PTPN18: variants seen among roughly 807,000 people sequenced by gnomAD.
PTPN18 encodes the protein tyrosine-protein phosphatase non-receptor type 18.
Under a neutral mutation model 65.4 loss-of-function variants are expected in PTPN18, and 65 were observed. That is an observed-to-expected ratio of 0.99 (90% confidence interval 0.81 to 1.22). The LOEUF (loss-of-function observed/expected upper bound fraction) is 1.22. PTPN18 is among the 50% of genes most tolerant of loss of function. The probability of loss-of-function intolerance (pLI) is 0.00; values close to 1 mark genes in which losing one functional copy is unlikely to be tolerated. For missense variants in PTPN18, 616 were observed against 646.5 expected (o/e 0.95, Z 0.51); for synonymous variants, 255 against 267.8 (o/e 0.95, Z 0.47).
chr2:130,371,519 T>C (rs1031914664), intron 12 of PTPN18, among the ~76,000 whole-genome samples: 2 of 152,236 alleles, frequency 1.3e-5, no homozygotes, highest in Admixed American at 6.5e-5. Flanking sequence ...AGGCCTTTCC[T>C]GGATCCTCTA....
At chr2:130,369,045 A>G (rs926940608) in intron 5 of PTPN18, 88 bp from the exon 6 acceptor site, 1 of 1,128,762 alleles carries the variant, frequency 8.9e-7, no homozygotes, top group African/African-American at 1.6e-5. Context: ...CACCACGAGC[A>G]CCTGGGGTGT....
At position 130,359,244 on chromosome 2, in the gene PTPN18, C is replaced by T. The variant is rs750487911; in HGVS notation, c.214C>T (p.Arg72Ter). 31 of 1,614,022 alleles carry T rather than the reference C, an allele frequency of 1.9e-5. No homozygotes were observed. Among genetic ancestry groups the T allele is most frequent in the Non-Finnish European group, 2.4e-5 (28 of 1,180,018 alleles). ...TTATCTGCTGACAGATGATCAGACG[C>T]GAGTAATCCTCTCCCTGCTCCAGGA... ...YKDVLPYDQT[R>*]VILSLLQEEG... is the part of the protein sequence containing the mutation. The change falls in exon 3 of 15, where the codon CGA (arginine) becomes TGA (stop). Residue 72 changes from arginine to a stop codon, truncating the protein, a stop_gained. Coordinates refer to ENST00000175756, the MANE Select transcript of PTPN18 (RefSeq NM_014369.4). LOFTEE classifies it high-confidence loss of function.
intron 5 of PTPN18, among the ~76,000 whole-genome samples, chr2:130,364,657 G>T (rs574037426): frequency 6.6e-6 from 1 of 152,130 alleles, no homozygotes; most frequent in African/African-American, 2.4e-5. Flanking sequence ...TTAGCCAGGC[G>T]TGGTGGCAGC....
chr2:130,363,899 C>T (rs966404021), intron 5 of PTPN18, among the ~76,000 whole-genome samples: 3 of 150,694 alleles, frequency 2.0e-5, no homozygotes, highest in African/African-American at 7.3e-5. Flanking sequence ...ATTTCCACGG[C>T]AATGTTTGAG....
rs1680603621 is a variant in PTPN18 at position 130,372,496 on chromosome 2, T to G, written c.1240+13T>G. The G allele has an allele frequency of 2.2e-6, 3 of 1,387,812 alleles. No homozygotes were observed. In the East Asian group the frequency reaches 8.8e-5, roughly 41 times the overall value. The allele number at this position is 1,387,812 out of a possible 1,614,324, so 86.0% of individuals were successfully genotyped here. A position where few individuals can be genotyped will look rare whatever the true frequency, so the allele number is the denominator to read the frequency against. ...CTGCCTGGCCGCGGTGAGTCGAGGCTTGCTCCTTCTCAGGGCATCATCCTG... is the reference window on the plus strand; with the variant it reads ...CTGCCTGGCCGCGGTGAGTCGAGGCGTGCTCCTTCTCAGGGCATCATCCTG... On this transcript the variant is annotated intron_variant, in intron 13 of 14. Coordinates refer to ENST00000175756, the MANE Select transcript of PTPN18 (RefSeq NM_014369.4).
intron 5 of PTPN18, among the ~76,000 whole-genome samples, chr2:130,364,830 A>G (rs1056122927): frequency 5.9e-5 from 9 of 152,322 alleles, no homozygotes; most frequent in South Asian, 2.1e-4. Context: ...AAAAATTGGT[A>G]TACTAGTATC....
chr2:130,371,086 C>A, intron 11 of PTPN18, 113 bp from the exon 12 acceptor site: 4 of 1,369,622 alleles, frequency 2.9e-6, no homozygotes, highest in Non-Finnish European at 4.1e-6. Context: ...TCCACCTGTG[C>A]CCTCCTCCAG....
rs935436213 is a variant in PTPN18, at chr2:130,372,457, A to G, written c.1214A>G (p.Asp405Gly). 3 of 1,371,232 alleles carry G rather than the reference A, an allele frequency of 2.2e-6. No individual in the cohort carries two copies. In the African/African-American group the frequency reaches 4.6e-5, roughly 21 times the overall value. The allele number at this position is 1,371,232 out of a possible 1,614,324, so 84.9% of individuals were successfully genotyped here. ...RAQRPGAHAE[D>G]ARGTLPGRVP... The stretch of plus-strand genomic sequence containing the variant: ...CAGCGACCCGGGGCGCACGCGGAGG[A>G]CGCGAGGGGGACGCTGCCTGGCCGC... Residue 405 changes from aspartate (D) to glycine (G), a missense_variant, in exon 13 of 15, where the codon GAC becomes GGC. Coordinates refer to ENST00000175756, the MANE Select transcript of PTPN18 (RefSeq NM_014369.4).
In PTPN18 at chr2:130,370,485, C is replaced by T. The variant is rs1573865898; in HGVS notation, c.690-72C>T. The T allele has an allele frequency of 1.2e-5, 18 of 1,551,060 alleles. No individual in the cohort carries two copies. In the South Asian group the frequency reaches 2.0e-4, roughly 17 times the overall value. ...GGGGATCCATCAGGACCCTCACCCC[C>T]ATCCCCAAATGCCCCATCTAAAAGG... On this transcript the variant is annotated intron_variant, in intron 8 of 14. Coordinates refer to ENST00000175756, the MANE Select transcript of PTPN18 (RefSeq NM_014369.4).
intron 12 of PTPN18, 142 bp downstream of exon 12, chr2:130,371,429 CCCCAAGATGATTCAATTAT>C (rs890934271): frequency 3.2e-5 from 22 of 689,448 alleles, no homozygotes; most frequent in South Asian, 2.3e-4. Context: ...TGGGAACCCA[CCCCAAGATGATTCAATTAT>C]CCCAAGATGA....
At chr2:130,356,322 G>A (rs1248473458) in intron 1 of PTPN18, 122 bp downstream of exon 1, 6 of 674,922 alleles carry the variant, frequency 8.9e-6, no homozygotes, top group African/African-American at 5.8e-5. Context: ...CCCGCCTCGG[G>A]GGGTCTCTCC....
In PTPN18 at chr2:130,374,472, A is replaced by G. The variant is rs1680676609; in HGVS notation, c.*1248A>G. 2.8e-6 allele frequency: 1 copy of G among 361,536 alleles called. No individual in the cohort carries two copies. Among genetic ancestry groups the G allele is most frequent in the Non-Finnish European group, 5.6e-6 (1 of 178,466 alleles). The allele number at this position is 361,536 out of a possible 1,614,324, so 22.4% of individuals were successfully genotyped here. On this transcript the variant is annotated 3_prime_UTR_variant, in exon 15 of 15. Coordinates refer to ENST00000175756, the MANE Select transcript of PTPN18 (RefSeq NM_014369.4). ...TGTGAGCCACCAGGCTCAGCCCCCTAAGATTTGAAACACTTTAAATGGCCC... is the reference window on the plus strand; with the variant it reads ...TGTGAGCCACCAGGCTCAGCCCCCTGAGATTTGAAACACTTTAAATGGCCC...
Position 130,356,146 on chromosome 2 carries a change from G to C in PTPN18, c.39G>C (p.Glu13Asp). 1 of 1,312,502 alleles carries C rather than the reference G, an allele frequency of 7.6e-7. No individual in the cohort carries two copies. 81.3% of individuals were successfully genotyped at this position (1,312,502 alleles called of 1,614,324 possible). Reference sequence around the variant, plus strand: ...TGGACTCGGCGCGGAGCTTCCTGGAGCGGCTGGAAGCGCGGGGCGGCCGGG... The same window carrying C: ...TGGACTCGGCGCGGAGCTTCCTGGACCGGCTGGAAGCGCGGGGCGGCCGGG... The part of the protein sequence containing the change: ...RSLDSARSFL[E>D]RLEARGGREG... Residue 13 changes from glutamate to aspartate, a missense_variant, in exon 1 of 15, where the codon GAG becomes GAC. Glu to Asp is a conservative substitution (Grantham distance 45, BLOSUM62 2). This residue lies in a region of PTPN18 where 223 missense variants were observed against 210.0 expected (regional missense o/e 1.06). Transcript: ENST00000175756.
At position 130,357,306 on chromosome 2, in the gene PTPN18, A is replaced by G. The variant is rs367797188; in HGVS notation, c.93+1106A>G. On this transcript the variant is annotated intron_variant, in intron 1 of 14. Coordinates refer to ENST00000175756, the MANE Select transcript of PTPN18 (RefSeq NM_014369.4). ...TCACGCAGAATGCTAGGCACTGTACATTACAGTTGATGACGTGTTTAAAGT... is the reference window on the plus strand; with the variant it reads ...TCACGCAGAATGCTAGGCACTGTACGTTACAGTTGATGACGTGTTTAAAGT... 9.8e-5 allele frequency among the ~76,000 whole-genome samples: 15 copies of G among 152,352 alleles called. 2 individuals carry two copies. Among genetic ancestry groups the G allele is most frequent in the African/African-American group, 3.6e-4 (15 of 41,594 alleles).
rs896355859 is a variant in PTPN18 at position 130,372,469 on chromosome 2, C to T, written c.1226C>T (p.Thr409Met). Residue 409 changes from threonine to methionine, a missense_variant, in exon 13 of 15, where the codon ACG becomes ATG. Physicochemically the swap from Thr to Met is moderately conservative, Grantham distance 81 (BLOSUM62 -1). This residue lies in a region of PTPN18 where 368 missense variants were observed against 386.7 expected (regional missense o/e 0.95). Transcript: ENST00000175756. ...GCGCACGCGGAGGACGCGAGGGGGA[C>T]GCTGCCTGGCCGCGGTGAGTCGAGG... The part of the protein sequence containing the change: ...PGAHAEDARG[T>M]LPGRVPADQS... The T allele has an allele frequency of 7.3e-7, 1 of 1,372,872 alleles. No individual in the cohort carries two copies. 85.0% of individuals were successfully genotyped at this position (1,372,872 alleles called of 1,614,324 possible).
At chr2:130,370,221 T>C in intron 8 of PTPN18, 31 bp downstream of exon 8, 2 of 1,605,380 alleles carry the variant, frequency 1.2e-6, no homozygotes, top group Non-Finnish European at 1.7e-6. Flanking sequence ...GAGGGTCTGG[T>C]GAGGCAGAGG....
In PTPN18 at chr2:130,370,177, T is replaced by C. The variant is rs772480824; in HGVS notation, c.676T>C (p.Cys226Arg). ...CCAGGGATCTGGCCCTGAACCCCTC[T>C]GTGTCCACTGCAGGTTTTGGAAATG... Reference protein sequence around the residue: ...RLQGSGPEPLCVHCSAGCGRT... With the variant: ...RLQGSGPEPLRVHCSAGCGRT... Residue 226 changes from cysteine to arginine, a missense_variant, in exon 8 of 15, where the codon TGT (cysteine) becomes CGT (arginine). Cys to Arg is a radical substitution (Grantham distance 180). This residue lies in a region of PTPN18 where 368 missense variants were observed against 386.7 expected (regional missense o/e 0.95). Coordinates refer to ENST00000175756, the MANE Select transcript of PTPN18 (RefSeq NM_014369.4). 2 of 1,611,934 alleles carry C rather than the reference T, an allele frequency of 1.2e-6. No individual in the cohort carries two copies. The highest frequency in any genetic ancestry group is 1.7e-6 in the Non-Finnish European group (2 of 1,179,992).
rs927874538 is a variant in PTPN18, at chr2:130,370,076, A to G, written c.575A>G (p.Tyr192Cys). Residue 192 changes from tyrosine to cysteine, a missense_variant, in exon 8 of 15, where the codon TAT (tyrosine) becomes TGT (cysteine). Coordinates refer to ENST00000175756, the MANE Select transcript of PTPN18 (RefSeq NM_014369.4). The part of the protein sequence containing the change: ...KESRSVYQLQ[Y>C]MSWPDRGVPS... Reference sequence around the variant, plus strand: ...TCCCGTTCTGTGTACCAGCTACAGTATATGTCCTGGCCAGACCGTGGGGTC... The same window carrying G: ...TCCCGTTCTGTGTACCAGCTACAGTGTATGTCCTGGCCAGACCGTGGGGTC... 6.2e-7 allele frequency: 1 copy of G among 1,613,982 alleles called. No homozygotes were observed. The highest frequency in any genetic ancestry group is 1.3e-5 in the African/African-American group (1 of 74,904).
At chr2:130,365,368 C>T (rs180752827) in intron 5 of PTPN18, among the ~76,000 whole-genome samples, 1 of 152,266 alleles carries the variant, frequency 6.6e-6, no homozygotes, top group African/African-American at 2.4e-5. Context: ...TGTGCTTATT[C>T]GTCCATTTGT....
Sources: allele counts gnomAD v4.1 joint callset (sites outside exome capture counted in the v4.1 genomes callset), GRCh38; gene constraint gnomAD v4.1.1; regional missense constraint gnomAD v4.1.1; transcripts MANE v1.5; gene names NCBI Gene and HGNC (gene_info 2026-07-23, HGNC 2026-07-21).